Variants in SMARCC1 observed in about 807,000 individuals in gnomAD.
SMARCC1 encodes SWI/SNF complex subunit SMARCC1.
In SMARCC1, 43 loss-of-function variants were observed where a neutral mutation model predicts 147.4. The observed-to-expected ratio is 0.29, with a 90% CI of 0.23 to 0.38. The LOEUF (loss-of-function observed/expected upper bound fraction) is 0.38. SMARCC1 is among the 10% of genes least tolerant of loss of function. SMARCC1 has a pLI of 1.00. For missense variants in SMARCC1, 1,119 were observed against 1,381.1 expected, an observed-to-expected ratio of 0.81 and a Z score of 3.01; for synonymous variants, 495 against 484.4, an observed-to-expected ratio of 1.02 and a Z score of -0.29.
intron 11 of SMARCC1, among the ~76,000 whole-genome samples, chr3:47,699,066 C>T (rs1360565837): frequency 6.6e-6 from 1 of 152,080 alleles, no homozygotes; most frequent in East Asian, 1.9e-4. Flanking sequence ...ACTATAAAAG[C>T]AGAAGGCATA....
intron 2 of SMARCC1, among the ~76,000 whole-genome samples, chr3:47,765,014 G>A (rs2034819223): frequency 6.6e-6 from 1 of 152,242 alleles, no homozygotes; most frequent in Non-Finnish European, 1.5e-5. Flanking sequence ...CACTTTGGGA[G>A]GCTGAGGCAG....
chr3:47,586,931 C>T lies in SMARCC1; in HGVS notation c.*1278G>A, dbSNP rs1272486330. The stretch of plus-strand genomic sequence containing the variant: ...TTGTCCTCTGGAATGGCATTCTACC[C>T]TCCCAGCCTGAGCACCCCAAACCTC... On this transcript the variant is annotated 3_prime_UTR_variant, in exon 28 of 28. Transcript: ENST00000254480. 6 of 152,582 alleles carry T rather than the reference C, an allele frequency of 3.9e-5. No individual in the cohort carries two copies. Among genetic ancestry groups the T allele is most frequent in the Non-Finnish European group, 8.8e-5 (6 of 68,046 alleles). 9.5% of individuals were successfully genotyped at this position (152,582 alleles called of 1,614,324 possible). A position where few individuals can be genotyped will look rare whatever the true frequency, so the allele number is the denominator to read the frequency against.
At chr3:47,733,787 C>T (rs2034405184) in intron 5 of SMARCC1, among the ~76,000 whole-genome samples, 1 of 150,452 alleles carries the variant, frequency 6.6e-6, no homozygotes, top group Non-Finnish European at 1.5e-5. Context: ...TGGTGTGAAC[C>T]CAGGAGGCAG....
At position 47,706,535 on chromosome 3, in the gene SMARCC1, G is replaced by A. The variant is rs1414039943; in HGVS notation, c.919-5C>T. The stretch of plus-strand genomic sequence containing the variant: ...TCTTTCTGGACTTCTGACTGGCTAG[G>A]AAGAAGTAAATGGAAATAAGTATCA... On this transcript the variant is annotated splice_polypyrimidine_tract_variant and splice_region_variant and intron_variant, in intron 9 of 27. Coordinates refer to ENST00000254480, the MANE Select transcript of SMARCC1 (RefSeq NM_003074.4). The A allele has an allele frequency of 3.2e-6, 5 of 1,554,356 alleles. No homozygotes were observed. The highest frequency in any genetic ancestry group is 4.3e-6 in the Non-Finnish European group (5 of 1,155,670).
In SMARCC1 at chr3:47,661,211, G is replaced by T. The variant is rs974963935; in HGVS notation, c.2320+83C>A. The T allele has an allele frequency of 5.2e-5, 62 of 1,193,474 alleles. No homozygotes were observed. The African/African-American group carries it at 8.8e-4, about 17-fold the overall frequency. 73.9% of individuals were successfully genotyped at this position (1,193,474 alleles called of 1,614,324 possible). A position where few individuals can be genotyped will look rare whatever the true frequency, so the allele number is the denominator to read the frequency against. ...CTGATCATTGTACTCACTTTTTAGT[G>T]CAAGTAAACCCAATTATTTGAGTAA... On this transcript the variant is annotated intron_variant, in intron 21 of 27. Coordinates refer to ENST00000254480, the MANE Select transcript of SMARCC1 (RefSeq NM_003074.4).
chr3:47,630,803 C>T (rs1406977849), intron 24 of SMARCC1, among the ~76,000 whole-genome samples: 3 of 152,126 alleles, frequency 2.0e-5, no homozygotes, highest in African/African-American at 4.8e-5. Flanking sequence ...TGGCTGACAC[C>T]GGTAATCCCA....
Position 47,720,738 on chromosome 3 carries a change from G to T in SMARCC1, c.647-3C>A. Reference sequence around the variant, plus strand: ...CATCACCGGTCTCAACCATTCTTCTGGAAGAGAAAAAGAAACAACTTTACT... The same window carrying T: ...CATCACCGGTCTCAACCATTCTTCTTGAAGAGAAAAAGAAACAACTTTACT... On this transcript the variant is annotated splice_polypyrimidine_tract_variant and splice_region_variant and intron_variant, in intron 6 of 27. Transcript: ENST00000254480. 1 of 1,603,828 alleles carries T rather than the reference G, an allele frequency of 6.2e-7. No homozygotes were observed. Among genetic ancestry groups the T allele is most frequent in the Non-Finnish European group, 8.5e-7 (1 of 1,174,200 alleles).
chr3:47,630,419 G>A (rs1322259962), intron 24 of SMARCC1, among the ~76,000 whole-genome samples: 1 of 152,210 alleles, frequency 6.6e-6, no homozygotes, highest in Non-Finnish European at 1.5e-5. Flanking sequence ...TAACAGGCCA[G>A]TGGGGTTGGG....
intron 11 of SMARCC1, among the ~76,000 whole-genome samples, chr3:47,697,729 C>A (rs1479191499): frequency 1.3e-5 from 2 of 151,434 alleles, no homozygotes; most frequent in African/African-American, 4.8e-5. Flanking sequence ...AATATCTGGA[C>A]GGGCACAGTG....
intron 20 of SMARCC1, 93 bp downstream of exon 20, chr3:47,662,241 T>G: frequency 9.3e-7 from 1 of 1,071,566 alleles, no homozygotes; most frequent in Non-Finnish European, 1.4e-6. Context: ...TTTTGTTATT[T>G]ACATTAAAAG....
rs1283454785 is a variant in SMARCC1, at chr3:47,662,544, C to T, written c.1948G>A (p.Gly650Arg). 2 of 1,613,870 alleles carry T rather than the reference C, an allele frequency of 1.2e-6. No homozygotes were observed. The highest frequency in any genetic ancestry group is 8.5e-7 in the Non-Finnish European group (1 of 1,179,776). ...ATGCATTCATCCTGAGTACGACTTC[C>T]AACATGTTCCGACACTTTGTTCCAA... ...DDWNKVSEHV[G>R]SRTQDECILH... is the part of the protein sequence containing the mutation. Residue 650 changes from glycine (G) to arginine (R), a missense_variant, in exon 20 of 28, where the codon GGA becomes AGA. Transcript: ENST00000254480.
intron 3 of SMARCC1, among the ~76,000 whole-genome samples, chr3:47,745,596 C>T (rs2034555921): frequency 6.6e-6 from 1 of 151,988 alleles, no homozygotes; most frequent in Non-Finnish European, 1.5e-5. Context: ...GCCTACAGTC[C>T]CAGCTACTCA....
chr3:47,685,936 C>A (rs2033716855), intron 14 of SMARCC1, 113 bp downstream of exon 14: 1 of 799,236 alleles, frequency 1.3e-6, no homozygotes, highest in South Asian at 1.9e-5. Context: ...TCCCTTCATC[C>A]AAAGTGATAG....
At chr3:47,636,996 T>G (rs1044427434) in intron 22 of SMARCC1, among the ~76,000 whole-genome samples, 1 of 152,148 alleles carries the variant, frequency 6.6e-6, no homozygotes, top group Non-Finnish European at 1.5e-5. Flanking sequence ...ACATCAGTGA[T>G]CATGCTTTAG....
At chr3:47,656,713 G>A (rs184274714) in intron 21 of SMARCC1, among the ~76,000 whole-genome samples, 9 of 152,036 alleles carry the variant, frequency 5.9e-5, no homozygotes, top group Non-Finnish European at 1.2e-4. Context: ...CAAGGAGTTC[G>A]AGACCAGCCA....
At chr3:47,599,168 C>T (rs1371315336) in intron 26 of SMARCC1, among the ~76,000 whole-genome samples, 1 of 152,168 alleles carries the variant, frequency 6.6e-6, no homozygotes, top group African/African-American at 2.4e-5. Flanking sequence ...GGGCGGATCA[C>T]CTGAGGTCAG....
intron 5 of SMARCC1, among the ~76,000 whole-genome samples, chr3:47,733,506 A>G (rs2034401495): frequency 6.6e-6 from 1 of 152,192 alleles, no homozygotes; most frequent in Admixed American, 6.6e-5. Flanking sequence ...CTGTAATCTC[A>G]GCACTTTGGG....
intron 19 of SMARCC1, among the ~76,000 whole-genome samples, chr3:47,666,814 T>G (rs1030542547): frequency 6.6e-6 from 1 of 152,210 alleles, no homozygotes; most frequent in African/African-American, 2.4e-5. Context: ...AGCCAAAGAT[T>G]GGACATCTCT....
intron 24 of SMARCC1, among the ~76,000 whole-genome samples, 172 bp downstream of exon 24, chr3:47,635,018 T>C (rs1484931107): frequency 6.6e-6 from 1 of 152,232 alleles, no homozygotes; most frequent in Admixed American, 6.5e-5. Context: ...CTGGATCTAC[T>C]ATTTCTATAA....
Sources: allele counts gnomAD v4.1 joint callset (sites outside exome capture counted in the v4.1 genomes callset), GRCh38; gene constraint gnomAD v4.1.1; transcripts MANE v1.5; gene names NCBI Gene and HGNC (gene_info 2026-07-23, HGNC 2026-07-21).